NDUFAF5: variants seen among roughly 807,000 people sequenced by gnomAD.
NDUFAF5 encodes the protein arginine-hydroxylase NDUFAF5, mitochondrial.
In NDUFAF5, 34 loss-of-function variants were observed where a neutral mutation model predicts 48.9. The observed-to-expected ratio is 0.70, with a 90% CI of 0.53 to 0.93. NDUFAF5 has a LOEUF of 0.93. NDUFAF5 is among the 40% of genes least tolerant of loss of function. The pLI is 0.00. For missense variants in NDUFAF5, 428 were observed against 427.5 expected, an observed-to-expected ratio of 1.00 and a Z score of -0.01; for synonymous variants, 153 against 150.6, an observed-to-expected ratio of 1.02 and a Z score of -0.12.
chr20:13,790,395 C>T (rs1293134907), intron 3 of NDUFAF5, among the ~76,000 whole-genome samples: 3 of 152,142 alleles, frequency 2.0e-5, no homozygotes, highest in Non-Finnish European at 4.4e-5. Context: ...ACATCTAATC[C>T]GTCAGCAGCT....
chr20:13,790,528 C>G (rs376675450), intron 3 of NDUFAF5, among the ~76,000 whole-genome samples: 22 of 152,320 alleles, frequency 1.4e-4, no homozygotes, highest in Admixed American at 1.2e-3. Flanking sequence ...ATTGGTCTCC[C>G]TGCTTTACCT....
At chr20:13,807,787 C>CAA (rs963862879) in intron 7 of NDUFAF5, among the ~76,000 whole-genome samples, 2 of 139,936 alleles carry the variant, frequency 1.4e-5, no homozygotes, top group Non-Finnish European at 3.1e-5. Flanking sequence ...ACTAAAAATA[C>CAA]AAAAAAAAAA....
chr20:13,785,406 C>G (rs1209591455), intron 1 of NDUFAF5, 116 bp downstream of exon 1: 4 of 834,260 alleles, frequency 4.8e-6, no homozygotes, highest in Non-Finnish European at 7.5e-6. Context: ...CCTTGACCAG[C>G]AGCCCTGCCT....
chr20:13,794,821 C>T lies in NDUFAF5; in HGVS notation c.376-17C>T, dbSNP rs750676394. 7.0e-6 allele frequency: 10 copies of T among 1,436,080 alleles called. No homozygotes were observed. The highest frequency in any genetic ancestry group is 2.8e-5 in the African/African-American group (2 of 71,380). 89.0% of individuals were successfully genotyped at this position (1,436,080 alleles called of 1,614,324 possible). A position where few individuals can be genotyped will look rare whatever the true frequency, so the allele number is the denominator to read the frequency against. ...CTACATAAATGTGATTTTGATCTTT[C>T]GTTTTCTTAACATTAGAAAAATTCC... is the stretch of plus-strand genomic sequence containing the variant. On this transcript the variant is annotated splice_polypyrimidine_tract_variant and intron_variant, in intron 4 of 10. Transcript: ENST00000378106.
At chr20:13,787,218 T>C (rs556250808) in intron 1 of NDUFAF5, 94 bp from the exon 2 acceptor site, 2 of 1,333,544 alleles carry the variant, frequency 1.5e-6, no homozygotes, top group East Asian at 4.6e-5. Flanking sequence ...TAAAGGGAAG[T>C]ACTTATTTTA....
intron 8 of NDUFAF5, chr20:13,814,328 A>G (rs968545714): frequency 8.0e-6 from 5 of 622,596 alleles, no homozygotes; most frequent in Middle Eastern, 5.9e-4. Flanking sequence ...GTTACTTCCA[A>G]ATTTGTTTCT....
chr20:13,817,116 A>C lies in NDUFAF5; in HGVS notation c.946-2A>C, dbSNP rs766821858. 13 of 1,613,016 alleles carry C rather than the reference A, an allele frequency of 8.1e-6. No homozygotes were observed. In the Admixed American group the frequency reaches 2.2e-4, roughly 27 times the overall value. The stretch of plus-strand genomic sequence containing the variant: ...AATATCTTTAATCTTTATTATTTTC[A>C]GGCAAGACCAGCTGAAAGAGGTTCC... On this transcript the variant is annotated splice_acceptor_variant, in intron 10 of 10. Coordinates refer to ENST00000378106, the MANE Select transcript of NDUFAF5 (RefSeq NM_024120.5). LOFTEE classifies it high-confidence loss of function.
intron 9 of NDUFAF5, 162 bp downstream of exon 9, chr20:13,816,708 C>CTT: frequency 1.3e-6 from 1 of 765,078 alleles, no homozygotes; most frequent in Non-Finnish European, 2.3e-6. Context: ...TCCAGACAGC[C>CTT]TTTACTATTT....
chr20:13,800,449 G>T (rs1256264583), intron 6 of NDUFAF5, among the ~76,000 whole-genome samples: 1 of 152,184 alleles, frequency 6.6e-6, no homozygotes, highest in Non-Finnish European at 1.5e-5. Context: ...ACCTTTTCCT[G>T]TAATGGTCCT....
In NDUFAF5 at chr20:13,794,848, C is replaced by T. The variant is rs779399246; in HGVS notation, c.386C>T (p.Ser129Leu). 1.2e-5 allele frequency: 20 copies of T among 1,606,780 alleles called. No individual in the cohort carries two copies. Among genetic ancestry groups the T allele is most frequent in the Non-Finnish European group, 1.7e-5 (20 of 1,173,504 alleles). Residue 129 changes from serine (S) to leucine (L), a missense_variant, in exon 5 of 11, where the codon TCA becomes TTA. Physicochemically the swap from Ser to Leu is moderately radical, Grantham distance 145. Coordinates refer to ENST00000378106, the MANE Select transcript of NDUFAF5 (RefSeq NM_024120.5). ...DIAENALKNSSETEIPTVSVL... is the reference protein window; with the variant it reads ...DIAENALKNSLETEIPTVSVL... ...TTTTCTTAACATTAGAAAAATTCCT[C>T]AGAAACAGAAATACCTACTGTCAGC...
intron 5 of NDUFAF5, among the ~76,000 whole-genome samples, chr20:13,795,821 A>G (rs1448250022): frequency 6.6e-6 from 1 of 152,108 alleles, no homozygotes; most frequent in African/African-American, 2.4e-5. Context: ...CCTGTCTCAA[A>G]ATAATAATAA....
chr20:13,794,995 TA>T, intron 5 of NDUFAF5, 54 bp downstream of exon 5: 1 of 1,322,540 alleles, frequency 7.6e-7, no homozygotes, highest in East Asian at 2.4e-5. Flanking sequence ...ATTCTTGCCA[TA>T]AAGTTTTGCT....
chr20:13,785,429 A>G (rs1980866853), intron 1 of NDUFAF5, 139 bp downstream of exon 1: 6 of 687,658 alleles, frequency 8.7e-6, no homozygotes, highest in East Asian at 5.4e-5. Flanking sequence ...TTCGGCCTCT[A>G]CTGTAATCAC....
At chr20:13,801,872 A>G in intron 7 of NDUFAF5, 189 bp downstream of exon 7, 1 of 560,290 alleles carries the variant, frequency 1.8e-6, no homozygotes. Context: ...AATTGACACA[A>G]GGTAGGAATG....
intron 6 of NDUFAF5, among the ~76,000 whole-genome samples, chr20:13,798,749 A>G (rs1420673139): frequency 6.6e-6 from 1 of 152,228 alleles, no homozygotes; most frequent in African/African-American, 2.4e-5. Flanking sequence ...AACTGTGCAA[A>G]ATAATATTGA....
intron 7 of NDUFAF5, among the ~76,000 whole-genome samples, chr20:13,803,986 A>C (rs1984616788): frequency 6.6e-6 from 1 of 152,028 alleles, no homozygotes; most frequent in Admixed American, 6.5e-5. Flanking sequence ...GGGTTTCACC[A>C]TGTTGGCCAG....
At chr20:13,791,217 A>T (rs79682103) in intron 3 of NDUFAF5, among the ~76,000 whole-genome samples, 2,497 of 152,286 alleles carry the variant, frequency 0.016, 74 homozygotes, top group African/African-American at 0.055. Flanking sequence ...GGAAATGTGG[A>T]ACTGGAATTG....
intron 5 of NDUFAF5, among the ~76,000 whole-genome samples, chr20:13,796,995 A>C (rs1202827203): frequency 6.6e-6 from 1 of 152,194 alleles, no homozygotes; most frequent in African/African-American, 2.4e-5. Context: ...AAAAAATTTA[A>C]GAGATTAAGT....
At chr20:13,795,873 T>C (rs1335835767) in intron 5 of NDUFAF5, among the ~76,000 whole-genome samples, 1 of 152,164 alleles carries the variant, frequency 6.6e-6, no homozygotes, top group Non-Finnish European at 1.5e-5. Context: ...TCTTTTCCCT[T>C]TATGTTTTCT....
Sources: gnomAD v4.1 joint callset for allele counts (sites outside exome capture counted in the v4.1 genomes callset) on GRCh38, gnomAD v4.1.1 for gene constraint, MANE v1.5 for transcripts, NCBI Gene and HGNC (gene_info 2026-07-23, HGNC 2026-07-21) for gene names.